Variants in PLSCR1 observed in about 807,000 individuals in gnomAD.
PLSCR1 encodes PL scramblase 1.
In PLSCR1, 17 loss-of-function variants were observed where a neutral mutation model predicts 37.8. The ratio of observed to expected loss-of-function variants is 0.45; its 90% confidence interval spans 0.31 to 0.68. The LOEUF is 0.68. Among genes scored for constraint, PLSCR1 ranks in the 30% least tolerant of loss-of-function variants. The pLI, the probability that PLSCR1 is intolerant of heterozygous loss-of-function variation, is 0.06. For missense variants in PLSCR1, 347 were observed against 380.9 expected (o/e 0.91, Z 0.74); for synonymous variants, 116 against 125.9 (o/e 0.92, Z 0.53).
chr3:146,523,587 G>A (rs2044063629), intron 5 of PLSCR1, among the ~76,000 whole-genome samples: 1 of 152,188 alleles, frequency 6.6e-6, no homozygotes, highest in African/African-American at 2.4e-5. Flanking sequence ...TGGACCCAGG[G>A]CATCCTTATT....
rs2043931405 is a variant in PLSCR1, at chr3:146,515,245, CTG to C, written c.*798_*799del. 2 of 152,114 alleles carry C rather than the reference CTG, an allele frequency of 1.3e-5. No individual in the cohort carries two copies. The highest frequency in any genetic ancestry group is 2.1e-4 in the South Asian group (1 of 4,824). The allele number at this position is 152,114 out of a possible 1,614,324, so 9.4% of individuals were successfully genotyped here. The stretch of plus-strand genomic sequence containing the variant: ...ATAGATCATTATTTAGGTTTATACT[CTG>C]TGAATATATATATGATATTGTATTT... On this transcript the variant is annotated 3_prime_UTR_variant, in exon 9 of 9. Transcript: ENST00000342435.
chr3:146,525,514 TGA>T (rs2044095195), intron 5 of PLSCR1, 89 bp downstream of exon 5: 1 of 718,446 alleles, frequency 1.4e-6, no homozygotes, highest in Non-Finnish European at 2.5e-6. Context: ...CCTATATAAG[TGA>T]GAGTGTTATA....
At chr3:146,533,985 T>A (rs1466818108) in intron 2 of PLSCR1, among the ~76,000 whole-genome samples, 1 of 152,182 alleles carries the variant, frequency 6.6e-6, no homozygotes, top group East Asian at 1.9e-4. Context: ...TTTTAAATAT[T>A]TAAAATAATG....
chr3:146,532,569 C>T (rs545201351), intron 3 of PLSCR1, among the ~76,000 whole-genome samples: 39 of 152,286 alleles, frequency 2.6e-4, no homozygotes, highest in Admixed American at 2.0e-4. Flanking sequence ...ATCCGGGACC[C>T]GCAGGGAGGT....
chr3:146,538,601 T>C (rs2044296616), intron 1 of PLSCR1, among the ~76,000 whole-genome samples: 1 of 152,128 alleles, frequency 6.6e-6, no homozygotes, highest in Non-Finnish European at 1.5e-5. Flanking sequence ...TTTAAGAAAC[T>C]AGTGTTTCAA....
chr3:146,527,225 A>C (rs1488829688), intron 4 of PLSCR1, among the ~76,000 whole-genome samples: 1 of 152,334 alleles, frequency 6.6e-6, no homozygotes, highest in East Asian at 1.9e-4. Flanking sequence ...TAATGAATAC[A>C]AAATTACAGC....
At chr3:146,539,410 G>A (rs2609865) in intron 1 of PLSCR1, among the ~76,000 whole-genome samples, 41,248 of 152,064 alleles carry the variant, frequency 0.27, 5,811 homozygotes, top group African/African-American at 0.32. Context: ...TACAAGCCCA[G>A]TTCCTAACAG....
At chr3:146,523,972 G>A (rs113042396) in intron 5 of PLSCR1, among the ~76,000 whole-genome samples, 162 of 152,238 alleles carry the variant, frequency 1.1e-3, no homozygotes, top group African/African-American at 3.7e-3. Flanking sequence ...TGCCTATGTG[G>A]AAAGACTCTG....
chr3:146,529,221 C>T (rs183588447), intron 3 of PLSCR1, among the ~76,000 whole-genome samples: 320 of 152,196 alleles, frequency 2.1e-3, no homozygotes, highest in Non-Finnish European at 3.1e-3. Context: ...ATTTCTAGGG[C>T]CAAAGTATCT....
At chr3:146,518,241 T>C (rs1372460965) in intron 7 of PLSCR1, among the ~76,000 whole-genome samples, 5 of 152,184 alleles carry the variant, frequency 3.3e-5, no homozygotes, top group Admixed American at 1.3e-4. Context: ...TGCTTTGGCC[T>C]GGCTTATGAT....
At chr3:146,533,285 CAAATAA>C (rs2044222221) in intron 3 of PLSCR1, among the ~76,000 whole-genome samples, 179 bp downstream of exon 3, 1 of 151,842 alleles carries the variant, frequency 6.6e-6, no homozygotes, top group African/African-American at 2.4e-5. Context: ...AAATGATAGC[CAAATAA>C]AAATAATCAA....
intron 1 of PLSCR1, among the ~76,000 whole-genome samples, chr3:146,541,975 C>T (rs2044343382): frequency 6.6e-6 from 1 of 152,108 alleles, no homozygotes; most frequent in Non-Finnish European, 1.5e-5. Context: ...ATGCTGGTGC[C>T]TCCATACAGT....
rs2044017821 is a variant in PLSCR1 at position 146,521,415 on chromosome 3, A to G, written c.738+129T>C. ...TACCACTCTGCCCAAAGTTAAATAAATGAGAAAATCATCTTGCTATTGAGA... is the reference window on the plus strand; with the variant it reads ...TACCACTCTGCCCAAAGTTAAATAAGTGAGAAAATCATCTTGCTATTGAGA... On this transcript the variant is annotated intron_variant, in intron 7 of 8. Coordinates refer to ENST00000342435, the MANE Select transcript of PLSCR1 (RefSeq NM_021105.3). 5.0e-6 allele frequency: 4 copies of G among 796,334 alleles called. No homozygotes were observed. In the South Asian group the frequency reaches 5.3e-5, roughly 11 times the overall value. 49.3% of individuals were successfully genotyped at this position (796,334 alleles called of 1,614,324 possible). A position where few individuals can be genotyped will look rare whatever the true frequency, so the allele number is the denominator to read the frequency against.
intron 6 of PLSCR1, 43 bp from the exon 7 acceptor site, chr3:146,521,748 G>T: frequency 1.3e-6 from 2 of 1,580,018 alleles, no homozygotes; most frequent in Non-Finnish European, 8.7e-7. Flanking sequence ...TAATCATAAT[G>T]CCTAGGTTCG....
intron 7 of PLSCR1, among the ~76,000 whole-genome samples, chr3:146,521,084 T>C (rs888713786): frequency 6.6e-6 from 1 of 151,888 alleles, no homozygotes; most frequent in African/African-American, 2.4e-5. Flanking sequence ...TTATACTAAT[T>C]TTCTCAAAAC....
At chr3:146,535,775 T>G (rs745332324) in intron 2 of PLSCR1, among the ~76,000 whole-genome samples, 1 of 152,030 alleles carries the variant, frequency 6.6e-6, no homozygotes, top group East Asian at 1.9e-4. Flanking sequence ...AAAAAGAAAA[T>G]CATAAAACTT....
chr3:146,532,129 A>T (rs1440454603), intron 3 of PLSCR1, among the ~76,000 whole-genome samples: 1 of 152,170 alleles, frequency 6.6e-6, no homozygotes, highest in Non-Finnish European at 1.5e-5. Flanking sequence ...AAACAAAATC[A>T]AGCTGTAGAG....
chr3:146,523,752 G>C (rs1398908434), intron 5 of PLSCR1, among the ~76,000 whole-genome samples: 1 of 152,150 alleles, frequency 6.6e-6, no homozygotes, highest in Non-Finnish European at 1.5e-5. Context: ...GGAAACAGAT[G>C]GCTGCAAAAT....
chr3:146,526,309 T>C (rs977631518), intron 4 of PLSCR1, among the ~76,000 whole-genome samples: 2 of 149,836 alleles, frequency 1.3e-5, no homozygotes, highest in Non-Finnish European at 3.0e-5. Context: ...CAAACCACAA[T>C]GAGATATTAT....
Sources: allele counts gnomAD v4.1 joint callset (sites outside exome capture counted in the v4.1 genomes callset), GRCh38; gene constraint gnomAD v4.1.1; transcripts MANE v1.5; gene names NCBI Gene and HGNC (gene_info 2026-07-23, HGNC 2026-07-21).